Variants in PREX1 observed in about 807,000 individuals in gnomAD.
PREX1 encodes phosphatidylinositol-3,4,5-trisphosphate dependent Rac exchange factor 1.
In PREX1, 41 loss-of-function variants were observed where a neutral mutation model predicts 198.3. That is an observed-to-expected ratio of 0.21 (90% CI 0.16 to 0.27). The LOEUF is 0.27. PREX1 is among the 10% of genes least tolerant of loss of function. The pLI is 1.00. For missense variants in PREX1, 1,620 were observed against 2,200.7 expected, an observed-to-expected ratio of 0.74 and a Z score of 5.28; for synonymous variants, 843 against 887.2, an observed-to-expected ratio of 0.95 and a Z score of 0.89.
intron 36 of PREX1, among the ~76,000 whole-genome samples, chr20:48,630,322 G>C (rs558719785): frequency 6.6e-6 from 1 of 152,244 alleles, no homozygotes; most frequent in Non-Finnish European, 1.5e-5. Context: ...CCAACAGCCA[G>C]ATCTTCCCAT....
At chr20:48,811,626 C>CACA (rs201287763) in intron 1 of PREX1, among the ~76,000 whole-genome samples, 5 of 95,320 alleles carry the variant, frequency 5.2e-5, no homozygotes, top group African/African-American at 1.9e-4. Flanking sequence ...ATACACACCC[C>CACA]CCCACACACA....
chr20:48,792,817 T>TACATACACACAC (rs2090344467), intron 1 of PREX1, among the ~76,000 whole-genome samples: 2 of 113,548 alleles, frequency 1.8e-5, no homozygotes, highest in Admixed American at 9.8e-5. Context: ...AAAAAAAAAA[T>TACATACACACAC]ACACACACAC....
intron 1 of PREX1, among the ~76,000 whole-genome samples, chr20:48,776,563 G>T (rs1030577504): frequency 6.6e-6 from 1 of 152,212 alleles, no homozygotes; most frequent in Admixed American, 6.5e-5. Flanking sequence ...TAAAGCACAT[G>T]ACTCACAGGC....
chr20:48,758,381 C>G (rs1446589194), intron 1 of PREX1, among the ~76,000 whole-genome samples: 1 of 152,186 alleles, frequency 6.6e-6, no homozygotes, highest in Non-Finnish European at 1.5e-5. Context: ...CAGGTGCTGG[C>G]AGTGGAGCGT....
At chr20:48,783,640 C>T (rs1309964798) in intron 1 of PREX1, among the ~76,000 whole-genome samples, 3 of 152,104 alleles carry the variant, frequency 2.0e-5, no homozygotes, top group African/African-American at 4.8e-5. Flanking sequence ...AGCAGATGTA[C>T]GGGAGGAAAA....
intron 10 of PREX1, 147 bp downstream of exon 10, chr20:48,688,510 G>T: frequency 9.9e-7 from 1 of 1,006,352 alleles, no homozygotes; most frequent in Non-Finnish European, 1.5e-6. Flanking sequence ...ATCTCTGAGG[G>T]CTGCTCCATA....
intron 14 of PREX1, among the ~76,000 whole-genome samples, chr20:48,673,763 T>C (rs1230749083): frequency 6.6e-6 from 1 of 152,216 alleles, no homozygotes; most frequent in Non-Finnish European, 1.5e-5. Flanking sequence ...TTCTTTAGTC[T>C]TCTATATTGC....
Position 48,700,818 on chromosome 20 carries a change from G to A in PREX1, c.852C>T (p.Gly284=), listed in dbSNP as rs757580201. Residue 284 remains glycine (G), a synonymous_variant, in exon 7 of 40, where the codon GGC becomes GGT. Coordinates refer to ENST00000371941, the MANE Select transcript of PREX1 (RefSeq NM_020820.4). ...LQGTLLKISA[G]NIQERAFFLF... is the part of the protein sequence containing the mutation. ...GGAAGAAGGCCCTTTCCTGGATGTT[G>A]CCCGCAGAGATCTTTAACAAAGTCC... 88 of 1,613,994 alleles carry A rather than the reference G, an allele frequency of 5.5e-5. No homozygotes were observed. Among genetic ancestry groups the A allele is most frequent in the Non-Finnish European group, 7.3e-5 (86 of 1,180,006 alleles).
intron 1 of PREX1, among the ~76,000 whole-genome samples, chr20:48,774,101 A>T (rs1193542450): frequency 6.6e-6 from 1 of 152,216 alleles, no homozygotes; most frequent in Non-Finnish European, 1.5e-5. Context: ...TTATTGAGAC[A>T]GGAAGACTGT....
intron 1 of PREX1, among the ~76,000 whole-genome samples, chr20:48,775,852 T>C (rs1401417554): frequency 6.6e-6 from 1 of 152,188 alleles, no homozygotes; most frequent in Non-Finnish European, 1.5e-5. Context: ...TTAAACCTCT[T>C]GCTTTTGTAA....
intron 1 of PREX1, among the ~76,000 whole-genome samples, chr20:48,825,481 A>G (rs1368929104): frequency 1.3e-5 from 2 of 152,310 alleles, no homozygotes; most frequent in African/African-American, 4.8e-5. Flanking sequence ...AGATAATGTG[A>G]AAGTAGAGAA....
At chr20:48,646,160 T>C in intron 25 of PREX1, 103 bp from the exon 26 acceptor site, 1 of 1,165,154 alleles carries the variant, frequency 8.6e-7, no homozygotes, top group Admixed American at 1.9e-5. Context: ...CTGGCCCTCC[T>C]GTTGGGGGTG....
chr20:48,730,323 A>G (rs2090029068), intron 4 of PREX1, among the ~76,000 whole-genome samples: 1 of 151,984 alleles, frequency 6.6e-6, no homozygotes, highest in Non-Finnish European at 1.5e-5. Flanking sequence ...CTCAGAATAA[A>G]ACGGAACATT....
At chr20:48,822,749 A>C (rs2090492010) in intron 1 of PREX1, among the ~76,000 whole-genome samples, 2 of 152,174 alleles carry the variant, frequency 1.3e-5, no homozygotes, top group African/African-American at 2.4e-5. Context: ...TCTCCAACCT[A>C]ATGTCACCTT....
intron 15 of PREX1, among the ~76,000 whole-genome samples, chr20:48,661,257 T>C (rs1212022404): frequency 4.6e-5 from 7 of 150,588 alleles, no homozygotes; most frequent in Admixed American, 1.3e-4. Context: ...CTGTCTCCAC[T>C]AAAAATACAA....
chr20:48,681,360 G>T, intron 10 of PREX1, 25 bp from the exon 11 acceptor site: 1 of 1,609,046 alleles, frequency 6.2e-7, no homozygotes, highest in Non-Finnish European at 8.5e-7. Flanking sequence ...ATATGTGGTT[G>T]AGAGGATTTC....
intron 26 of PREX1, among the ~76,000 whole-genome samples, chr20:48,645,090 C>T (rs1601039143): frequency 1.3e-5 from 2 of 152,366 alleles, no homozygotes; most frequent in Middle Eastern, 3.4e-3. Flanking sequence ...GCCGCAGCAG[C>T]CAGATACAGA....
the PREX1 span, among the ~76,000 whole-genome samples, chr20:48,875,961 C>T: frequency 6.6e-6 from 1 of 152,158 alleles, no homozygotes; most frequent in African/African-American, 2.4e-5. Flanking sequence ...GACCGTTCAC[C>T]TGGGGGTTGG....
chr20:48,801,934 C>T (rs1347919485), intron 1 of PREX1, among the ~76,000 whole-genome samples: 2 of 152,168 alleles, frequency 1.3e-5, no homozygotes, highest in Admixed American at 6.5e-5. Context: ...TGTCTCTTCA[C>T]TCATGTCTGC....
Sources: gnomAD v4.1 joint callset for allele counts (sites outside exome capture counted in the v4.1 genomes callset) on GRCh38, gnomAD v4.1.1 for gene constraint, MANE v1.5 for transcripts, NCBI Gene and HGNC (gene_info 2026-07-23, HGNC 2026-07-21) for gene names.